The following SAMD5 variants were observed in gnomAD, a reference collection of about 807,000 sequenced individuals.
SAMD5 encodes sterile alpha motif domain-containing protein 5.
Under a neutral mutation model 11.3 loss-of-function variants are expected in SAMD5, and 13 were observed. The ratio of observed to expected loss-of-function variants is 1.15; its 90% CI spans 0.75 to 1.83. The LOEUF (loss-of-function observed/expected upper bound fraction) is 1.83. SAMD5 is among the 40% of genes most tolerant of loss of function. SAMD5 has a pLI of 0.00. For missense variants in SAMD5, 255 were observed against 239.1 expected (o/e 1.07, Z -0.44); for synonymous variants, 129 against 111.3 (o/e 1.16, Z -1.00).
the SAMD5 span, among the ~76,000 whole-genome samples, chr6:147,868,679 C>T: frequency 1.3e-5 from 2 of 152,184 alleles, no homozygotes; most frequent in Admixed American, 1.3e-4. Flanking sequence ...AAGTCTGTGA[C>T]AGTTATTTTT....
At chr6:147,751,508 C>A in the SAMD5 span, among the ~76,000 whole-genome samples, 1 of 152,160 alleles carries the variant, frequency 6.6e-6, no homozygotes, top group Non-Finnish European at 1.5e-5. Context: ...GAGTTTACAA[C>A]AGGGATCCAA....
At chr6:147,761,444 G>A in the SAMD5 span, among the ~76,000 whole-genome samples, 14 of 151,978 alleles carry the variant, frequency 9.2e-5, no homozygotes, top group South Asian at 2.1e-4. Context: ...AACAAGATAT[G>A]GGCTTTGATA....
intron 1 of SAMD5, among the ~76,000 whole-genome samples, chr6:147,665,996 T>G (rs1790712856): frequency 6.6e-6 from 1 of 152,216 alleles, no homozygotes. Context: ...TGGAGTGCAG[T>G]GGCGCAATCT....
At chr6:147,564,342 G>T in intron 1 of SAMD5, 52 bp from the exon 2 acceptor site, 2 of 775,168 alleles carry the variant, frequency 2.6e-6, no homozygotes, top group Non-Finnish European at 2.4e-6. Context: ...TGGACTAGGG[G>T]AAGAATGGGT....
intron 1 of SAMD5, among the ~76,000 whole-genome samples, chr6:147,587,246 T>G (rs1464672976): frequency 4.6e-5 from 7 of 152,128 alleles, no homozygotes; most frequent in Non-Finnish European, 8.8e-5. Flanking sequence ...TTGTTTGTTT[T>G]TTGCTTTTTG....
intron 1 of SAMD5, among the ~76,000 whole-genome samples, chr6:147,563,103 T>C (rs1788980928): frequency 6.6e-6 from 1 of 152,222 alleles, no homozygotes; most frequent in African/African-American, 2.4e-5. Context: ...AATAGGATGA[T>C]TCTCTGGAGA....
At chr6:147,897,655 C>T in the SAMD5 span, among the ~76,000 whole-genome samples, 13 of 152,022 alleles carry the variant, frequency 8.6e-5, no homozygotes, top group African/African-American at 2.9e-4. Flanking sequence ...ATTATAAAAA[C>T]GTAGCCAGAC....
the SAMD5 span, among the ~76,000 whole-genome samples, chr6:147,759,083 A>G: frequency 6.6e-6 from 1 of 152,176 alleles, no homozygotes; most frequent in Non-Finnish European, 1.5e-5. Context: ...GGCAATGCAT[A>G]TTGCTAATTG....
At chr6:147,877,079 AT>A in the SAMD5 span, among the ~76,000 whole-genome samples, 4 of 137,468 alleles carry the variant, frequency 2.9e-5, no homozygotes, top group South Asian at 6.7e-4. Context: ...CTAGGTTTTT[AT>A]TTAAAAAAAA....
chr6:147,714,479 G>A (rs1236264289), intron 1 of SAMD5, among the ~76,000 whole-genome samples: 1 of 152,266 alleles, frequency 6.6e-6, no homozygotes, highest in East Asian at 1.9e-4. Flanking sequence ...GATGAGCATG[G>A]TGTTGACTTA....
chr6:147,759,805 GTCTT>G, the SAMD5 span, among the ~76,000 whole-genome samples: 1 of 152,028 alleles, frequency 6.6e-6, no homozygotes, highest in Non-Finnish European at 1.5e-5. Flanking sequence ...CTTCTGTGTG[GTCTT>G]TCTTTAAGAC....
chr6:147,941,139 T>C, the SAMD5 span, among the ~76,000 whole-genome samples: 1 of 152,318 alleles, frequency 6.6e-6, no homozygotes, highest in South Asian at 2.1e-4. Flanking sequence ...TTCTTTATAC[T>C]GTATCTGTGT....
In SAMD5 at chr6:147,635,718, C is replaced by A. The variant is rs373967108; in HGVS notation, c.163-101599C>A. On this transcript the variant is annotated intron_variant, in intron 1 of 1. Coordinates refer to the SAMD5 transcript ENST00000566741. ...AATGTGCTTGCAACCTTTGGCATGC[C>A]TTTCATGCACTGGTGATCCATGAGA... 3.3e-5 allele frequency among the ~76,000 whole-genome samples: 5 copies of A among 152,208 alleles called. No individual in the cohort carries two copies. In the East Asian group the frequency reaches 5.8e-4, roughly 18 times the overall value.
intron 1 of SAMD5, among the ~76,000 whole-genome samples, chr6:147,663,511 G>C (rs12529826): frequency 0.089 from 13,537 of 152,144 alleles, 891 homozygotes; most frequent in East Asian, 0.26. Flanking sequence ...GCCAGGTGTG[G>C]TGGCTCAAGT....
At chr6:147,788,849 C>A in the SAMD5 span, among the ~76,000 whole-genome samples, 2 of 150,022 alleles carry the variant, frequency 1.3e-5, no homozygotes, top group Non-Finnish European at 3.0e-5. Flanking sequence ...TTTGGGAGGC[C>A]AAGGCGGGAG....
chr6:147,733,252 T>C (rs925522519), intron 1 of SAMD5, among the ~76,000 whole-genome samples: 7 of 152,216 alleles, frequency 4.6e-5, no homozygotes, highest in Non-Finnish European at 8.8e-5. Flanking sequence ...ATGCCAAGGA[T>C]TAAACAGCCA....
At chr6:147,530,287 G>A (rs1788408690) in intron 1 of SAMD5, among the ~76,000 whole-genome samples, 1 of 152,210 alleles carries the variant, frequency 6.6e-6, no homozygotes, top group South Asian at 2.1e-4. Flanking sequence ...AATTATTTTT[G>A]GCAATACGGT....
chr6:147,811,382 G>T, the SAMD5 span, among the ~76,000 whole-genome samples: 1 of 152,122 alleles, frequency 6.6e-6, no homozygotes, highest in Non-Finnish European at 1.5e-5. Flanking sequence ...CAGAAGAAAA[G>T]GTAAAAAAGG....
At chr6:147,842,235 G>C in the SAMD5 span, among the ~76,000 whole-genome samples, 1 of 151,898 alleles carries the variant, frequency 6.6e-6, no homozygotes, top group Non-Finnish European at 1.5e-5. Context: ...AAAGTTGTTG[G>C]TCCATAGAAC....
Sources: gnomAD v4.1 joint callset for allele counts (sites outside exome capture counted in the v4.1 genomes callset) on GRCh38, gnomAD v4.1.1 for gene constraint, MANE v1.5 for transcripts, NCBI Gene and HGNC (gene_info 2026-07-23, HGNC 2026-07-21) for gene names.